The following ABCA13 variants were observed in gnomAD, a reference collection of about 807,000 sequenced individuals.
ABCA13 encodes the protein ATP binding cassette subfamily A member 13, also known as ATP-binding cassette sub-family A member 13.
ABCA13 carries 476 observed loss-of-function variants against 478.7 expected under a neutral mutation model. The observed-to-expected ratio is 0.99, with a 90% confidence interval of 0.92 to 1.07. The LOEUF is 1.07. Ranked by LOEUF, ABCA13 falls within the 50% of genes least tolerant of loss-of-function variation. ABCA13 has a pLI of 0.00. For synonymous variants in ABCA13, 2,252 were observed against 2,158.9 expected (o/e 1.04, Z -1.20); for missense variants, 6,060 against 5,910.6 (o/e 1.03, Z -0.83).
intron 5 of ABCA13, among the ~76,000 whole-genome samples, chr7:48,223,156 G>A (rs1444157984): frequency 6.6e-6 from 1 of 152,144 alleles, no homozygotes; most frequent in Non-Finnish European, 1.5e-5. Flanking sequence ...TACTGAGGTG[G>A]GGAAAGACTG....
chr7:48,313,021 C>T, intron 24 of ABCA13, 46 bp from the exon 25 acceptor site: 1 of 1,473,858 alleles, frequency 6.8e-7, no homozygotes, highest in South Asian at 1.5e-5. Context: ...TGTAAAAATA[C>T]AGTGTTGGTT....
intron 48 of ABCA13, among the ~76,000 whole-genome samples, chr7:48,500,159 C>T (rs2130803663): frequency 6.6e-6 from 1 of 152,304 alleles, no homozygotes. Flanking sequence ...ACAGTAGGCT[C>T]CATCACGTCT....
In ABCA13 at chr7:48,279,192, T is replaced by G; in HGVS notation, c.7998T>G (p.Phe2666Leu). Residue 2666 changes from phenylalanine to leucine, a missense_variant, in exon 18 of 62, where the codon TTT becomes TTG. Coordinates refer to ENST00000435803, the MANE Select transcript of ABCA13 (RefSeq NM_152701.5). ...AVAFNNETQT[F>L]SMDSVNLREE... is the part of the protein sequence containing the mutation. ...CATTTAACAATGAGACTCAAACATT[T>G]TCTATGGATTCTGTCAACTTACGGG... 6.3e-7 allele frequency: 1 copy of G among 1,596,664 alleles called. No homozygotes were observed. Among genetic ancestry groups the G allele is most frequent in the Non-Finnish European group, 8.5e-7 (1 of 1,171,180 alleles).
At chr7:48,297,785 T>C (rs1286768585) in intron 22 of ABCA13, among the ~76,000 whole-genome samples, 1 of 132,876 alleles carries the variant, frequency 7.5e-6, no homozygotes, top group Admixed American at 7.5e-5. Flanking sequence ...TTTCTTTCTT[T>C]CTTTTTTTTT....
intron 15 of ABCA13, among the ~76,000 whole-genome samples, chr7:48,264,440 C>A (rs77115567): frequency 0.011 from 1,656 of 151,960 alleles, 31 homozygotes; most frequent in African/African-American, 0.038. Flanking sequence ...TCCTTACCAA[C>A]ACTTGGTATG....
At chr7:48,579,380 C>G (rs934995167) in intron 55 of ABCA13, among the ~76,000 whole-genome samples, 2 of 152,188 alleles carry the variant, frequency 1.3e-5, no homozygotes, top group Non-Finnish European at 2.9e-5. Context: ...TGCTCAACAT[C>G]ATATGTCATT....
At chr7:48,632,322 A>T (rs561354282) in intron 59 of ABCA13, among the ~76,000 whole-genome samples, 2 of 152,200 alleles carry the variant, frequency 1.3e-5, no homozygotes, top group African/African-American at 4.8e-5. Context: ...TATCTTCTGG[A>T]TGCCAATTTC....
At chr7:48,385,281 T>C (rs1316134923) in intron 35 of ABCA13, among the ~76,000 whole-genome samples, 2 of 152,194 alleles carry the variant, frequency 1.3e-5, no homozygotes, top group South Asian at 4.1e-4. Flanking sequence ...TTTCTGATCC[T>C]CTCCCTTCTC....
intron 44 of ABCA13, among the ~76,000 whole-genome samples, chr7:48,470,315 A>G (rs550876072): frequency 2.0e-5 from 3 of 152,168 alleles, no homozygotes; most frequent in Non-Finnish European, 4.4e-5. Context: ...TATAAAAGGG[A>G]GCTAGGAGAA....
intron 23 of ABCA13, among the ~76,000 whole-genome samples, chr7:48,299,670 G>C (rs1799877421): frequency 6.6e-6 from 1 of 152,196 alleles, no homozygotes; most frequent in Non-Finnish European, 1.5e-5. Flanking sequence ...GGTCAGATTA[G>C]CTAACTTCTG....
At chr7:48,618,081 C>A (rs1334982091) in intron 59 of ABCA13, among the ~76,000 whole-genome samples, 2 of 152,192 alleles carry the variant, frequency 1.3e-5, no homozygotes, top group African/African-American at 2.4e-5. Flanking sequence ...TCAGACCCCA[C>A]CTGGGCTCCC....
intron 34 of ABCA13, among the ~76,000 whole-genome samples, chr7:48,375,961 T>A (rs1813412028): frequency 6.6e-6 from 1 of 152,184 alleles, no homozygotes; most frequent in South Asian, 2.1e-4. Flanking sequence ...TTTTCTTAAG[T>A]TGTATGTTAA....
intron 3 of ABCA13, among the ~76,000 whole-genome samples, chr7:48,213,537 G>T (rs1234315973): frequency 1.3e-5 from 2 of 152,154 alleles, no homozygotes; most frequent in East Asian, 3.9e-4. Context: ...ACTGATCAGG[G>T]TGGTGGTTGC....
chr7:48,331,688 G>A (rs1437552259), intron 27 of ABCA13, among the ~76,000 whole-genome samples: 1 of 152,174 alleles, frequency 6.6e-6, no homozygotes, highest in Non-Finnish European at 1.5e-5. Flanking sequence ...CTATAATGCA[G>A]TATCACAAAC....
chr7:48,463,972 T>A (rs1200289990), intron 43 of ABCA13, among the ~76,000 whole-genome samples: 1 of 152,198 alleles, frequency 6.6e-6, no homozygotes, highest in Non-Finnish European at 1.5e-5. Context: ...CTGGGGGGAC[T>A]TGTTAACCAG....
chr7:48,180,726 C>T (rs1386684277), intron 1 of ABCA13, among the ~76,000 whole-genome samples: 2 of 152,046 alleles, frequency 1.3e-5, no homozygotes, highest in Non-Finnish European at 2.9e-5. Flanking sequence ...CATGCGTGGC[C>T]GATGCTGGAC....
At position 48,289,336 on chromosome 7, in the gene ABCA13, G is replaced by GA. The variant is rs968194400; in HGVS notation, c.8955+1268dup. On this transcript the variant is annotated intron_variant, in intron 20 of 61. Transcript: ENST00000435803. ...TGTCAGGTATTAAATGTGGATACAG[G>GA]AAAAAAAAAAGCCCCACAGACAATT... is the stretch of plus-strand genomic sequence containing the variant. 4.8e-4 allele frequency among the ~76,000 whole-genome samples: 69 copies of GA among 142,370 alleles called. No individual in the cohort carries two copies. The East Asian group carries it at 7.3e-3, about 15-fold the overall frequency. 93.4% of individuals were successfully genotyped at this position (142,370 alleles called of 152,430 possible). A position where few individuals can be genotyped will look rare whatever the true frequency, so the allele number is the denominator to read the frequency against.
chr7:48,337,201 C>T (rs1023520974), intron 28 of ABCA13, among the ~76,000 whole-genome samples: 3 of 152,114 alleles, frequency 2.0e-5, no homozygotes, highest in African/African-American at 7.2e-5. Flanking sequence ...ATGTTGCAGG[C>T]CTGGTTCTGC....
chr7:48,507,416 T>C (rs539801724), intron 49 of ABCA13, among the ~76,000 whole-genome samples: 21 of 152,250 alleles, frequency 1.4e-4, no homozygotes, highest in African/African-American at 5.1e-4. Context: ...TATTGCAAAA[T>C]CTTGTTGGTA....
Sources: allele counts gnomAD v4.1 joint callset (sites outside exome capture counted in the v4.1 genomes callset), GRCh38; gene constraint gnomAD v4.1.1; transcripts MANE v1.5; gene names NCBI Gene and HGNC (gene_info 2026-07-23, HGNC 2026-07-21).